Variants in FAM184B observed in about 807,000 individuals in gnomAD.
The protein encoded by FAM184B is family with sequence similarity 184 member B.
A neutral mutation model predicts 135.9 loss-of-function variants in FAM184B; 111 were observed. That is an observed-to-expected ratio of 0.82 (90% CI 0.70 to 0.96). FAM184B has a LOEUF of 0.96. Among genes scored for constraint, FAM184B ranks in the 40% least tolerant of loss-of-function variants. FAM184B has a pLI of 0.00. For missense variants in FAM184B, 1,375 were observed against 1,323.9 expected, an observed-to-expected ratio of 1.04 and a Z score of -0.60; for synonymous variants, 552 against 524.8, an observed-to-expected ratio of 1.05 and a Z score of -0.71.
At position 17,756,062 on chromosome 4, in the gene FAM184B, A is replaced by C. The variant is rs559726073; in HGVS notation, c.141+25097T>G. ...TCCTGCACATGTAGCCTGGAACTTA[A>C]AAGCTGAAAAAAAGCCTGGAGACAA... On this transcript the variant is annotated intron_variant, in intron 1 of 17. Transcript: ENST00000265018. Among the ~76,000 whole-genome samples, 9 of 152,300 alleles carry C rather than the reference A, an allele frequency of 5.9e-5. 1 individual carries two copies. Among genetic ancestry groups the C allele is most frequent in the African/African-American group, 2.2e-4 (9 of 41,564 alleles).
chr4:17,682,711 C>T (rs2098153), intron 7 of FAM184B, among the ~76,000 whole-genome samples: 1 of 151,808 alleles, frequency 6.6e-6, no homozygotes, highest in Non-Finnish European at 1.5e-5. Flanking sequence ...GTTGCTCAGG[C>T]TGGTCTTGAA....
intron 1 of FAM184B, among the ~76,000 whole-genome samples, chr4:17,764,712 C>G (rs375965867): frequency 5.4e-4 from 81 of 149,892 alleles, no homozygotes; most frequent in African/African-American, 2.0e-3. Flanking sequence ...AAGTAAAGAT[C>G]CTTGATCATC....
chr4:17,744,719 CAA>C (rs1303877399), intron 1 of FAM184B, among the ~76,000 whole-genome samples: 8 of 122,434 alleles, frequency 6.5e-5, no homozygotes, highest in Non-Finnish European at 3.5e-5. Flanking sequence ...GACTCCATCT[CAA>C]AAAAAAAAAA....
intron 14 of FAM184B, among the ~76,000 whole-genome samples, chr4:17,637,955 G>A (rs1052212209): frequency 1.4e-5 from 2 of 146,686 alleles, no homozygotes; most frequent in African/African-American, 5.0e-5. Context: ...CAGGGCAGGA[G>A]TCCCTTCACC....
chr4:17,737,142 C>T (rs890676486), intron 1 of FAM184B, among the ~76,000 whole-genome samples: 1 of 148,648 alleles, frequency 6.7e-6, no homozygotes, highest in African/African-American at 2.5e-5. Flanking sequence ...GAGACTTCGT[C>T]TCAAAAAAAA....
intron 1 of FAM184B, among the ~76,000 whole-genome samples, chr4:17,751,643 G>A (rs1352302314): frequency 6.6e-6 from 1 of 152,030 alleles, no homozygotes; most frequent in Admixed American, 6.6e-5. Context: ...GGGAGAGGTG[G>A]TTGAGCCTGG....
chr4:17,636,529 G>T lies in FAM184B; in HGVS notation c.2783C>A (p.Thr928Lys). 1 of 1,550,008 alleles carries T rather than the reference G, an allele frequency of 6.5e-7. No homozygotes were observed. The highest frequency in any genetic ancestry group is 1.2e-5 in the South Asian group (1 of 84,048). ...KEREDIIKQLTEERRFHYAAF... is the reference protein window; with the variant it reads ...KEREDIIKQLKEERRFHYAAF... Reference sequence around the variant, plus strand: ...TGAGGCGCCCCCTGACAGCCTCACCGTGAGCTGCTTGATGATGTCCTCTCT... The same window carrying T: ...TGAGGCGCCCCCTGACAGCCTCACCTTGAGCTGCTTGATGATGTCCTCTCT... The change falls in exon 15 of 18, where the codon ACG (threonine) becomes AAG (lysine). Residue 928 changes from threonine to lysine, a missense_variant and splice_region_variant. Coordinates refer to ENST00000265018, the MANE Select transcript of FAM184B (RefSeq NM_015688.2).
chr4:17,663,531 A>C (rs1268655173), intron 8 of FAM184B, among the ~76,000 whole-genome samples: 1 of 152,082 alleles, frequency 6.6e-6, no homozygotes, highest in Non-Finnish European at 1.5e-5. Context: ...CAAGATACAA[A>C]ATTGATGTGC....
At chr4:17,700,553 T>G (rs1306818257) in intron 5 of FAM184B, among the ~76,000 whole-genome samples, 1 of 152,228 alleles carries the variant, frequency 6.6e-6, no homozygotes, top group Non-Finnish European at 1.5e-5. Flanking sequence ...AATTTGAGAT[T>G]TCAATCTTCC....
At chr4:17,693,171 C>A (rs1026508945) in intron 6 of FAM184B, 131 bp downstream of exon 6, 21 of 623,684 alleles carry the variant, frequency 3.4e-5, no homozygotes, top group Non-Finnish European at 4.2e-5. Context: ...TAAATGCACG[C>A]CCCCCGAGAC....
In FAM184B at chr4:17,632,470, A is replaced by G. The variant is rs1224718406; in HGVS notation, c.*62T>C. ...TTGGTTGGTGTTAGTTCATTCCTTC[A>G]ATCGGATGATTTAAAATAAATGTTT... On this transcript the variant is annotated 3_prime_UTR_variant, in exon 18 of 18. Coordinates refer to ENST00000265018, the MANE Select transcript of FAM184B (RefSeq NM_015688.2). 7.4e-7 allele frequency: 1 copy of G among 1,347,556 alleles called. No individual in the cohort carries two copies. Among genetic ancestry groups the G allele is most frequent in the Admixed American group, 2.2e-5 (1 of 44,540 alleles). 83.5% of individuals were successfully genotyped at this position (1,347,556 alleles called of 1,614,324 possible).
chr4:17,642,101 A>G lies in FAM184B; in HGVS notation c.2474T>C (p.Val825Ala). The G allele has an allele frequency of 6.5e-7, 1 of 1,531,576 alleles. No homozygotes were observed. Among genetic ancestry groups the G allele is most frequent in the Non-Finnish European group, 8.7e-7 (1 of 1,145,014 alleles). The allele number at this position is 1,531,576 out of a possible 1,614,324, so 94.9% of individuals were successfully genotyped here. A position where few individuals can be genotyped will look rare whatever the true frequency, so the allele number is the denominator to read the frequency against. Residue 825 changes from valine (V) to alanine (A), a missense_variant, in exon 13 of 18, where the codon GTG (valine) becomes GCG (alanine). By Grantham distance (64) the Val-to-Ala change is moderately conservative. Transcript: ENST00000265018. ...CTGCGCCTCCTGCTGATGCTGCTCC[A>G]CCTCCGCGCGCAGCCGCCGCACCGC... Reference protein sequence around the residue: ...QDAVRRLRAEVEQHQQEAQKL... With the variant: ...QDAVRRLRAEAEQHQQEAQKL...
At chr4:17,773,549 C>T (rs926861448) in intron 1 of FAM184B, among the ~76,000 whole-genome samples, 5 of 152,096 alleles carry the variant, frequency 3.3e-5, no homozygotes, top group Admixed American at 6.6e-5. Context: ...TCTGGGTTCT[C>T]GAGAGTCAGT....
In FAM184B at chr4:17,646,963, C is replaced by A. The variant is rs183523888; in HGVS notation, c.2346+674G>T. The stretch of plus-strand genomic sequence containing the variant: ...AAAGCTGCTCCACTTAGGGGAACAG[C>A]AAGGTCTAGATGGAGCCTGTCTGGT... On this transcript the variant is annotated intron_variant, in intron 12 of 17. Transcript: ENST00000265018. Among the ~76,000 whole-genome samples, 1,192 of 152,160 alleles carry A rather than the reference C, an allele frequency of 7.8e-3. 10 individuals are homozygous for A. The highest frequency in any genetic ancestry group is 0.013 in the Non-Finnish European group (875 of 68,000).
Position 17,781,323 on chromosome 4 carries a change from G to A in FAM184B, c.-24C>T. The A allele has an allele frequency of 6.6e-7, 1 of 1,508,306 alleles. No individual in the cohort carries two copies. 93.4% of individuals were successfully genotyped at this position (1,508,306 alleles called of 1,614,324 possible). ...ATCGCTAAAACGCGCCCAGCACTCA[G>A]ACTCTCTCGTTTTCTCCCTGCCCAC... On this transcript the variant is annotated 5_prime_UTR_variant, in exon 1 of 18. Coordinates refer to ENST00000265018, the MANE Select transcript of FAM184B (RefSeq NM_015688.2). This position sits in a 1 kb window ranked among gnomAD's most constrained non-coding sequence, Gnocchi z 6.5.
chr4:17,748,686 C>A (rs1718231460), intron 1 of FAM184B, among the ~76,000 whole-genome samples: 5 of 151,540 alleles, frequency 3.3e-5, no homozygotes, highest in African/African-American at 7.3e-5. Flanking sequence ...CCAGATAATT[C>A]TTTAATTTCT....
chr4:17,687,922 A>T (rs762481124), intron 7 of FAM184B, among the ~76,000 whole-genome samples: 14 of 152,158 alleles, frequency 9.2e-5, no homozygotes, highest in Admixed American at 4.6e-4. Flanking sequence ...GATCCTAGAG[A>T]ACAATCCAAC....
Position 17,736,971 on chromosome 4 carries a change from G to C in FAM184B, c.142-27327C>G, listed in dbSNP as rs143259361. On this transcript the variant is annotated intron_variant, in intron 1 of 17. Transcript: ENST00000265018. ...ACCAGCCTGGCCAACATGGTGAAAC[G>C]CCATCTCTACTAAAAATACAAAAAT... Among the ~76,000 whole-genome samples the C allele has an allele frequency of 8.4e-3, 1,282 of 151,990 alleles. 19 individuals carry two copies. Among genetic ancestry groups the C allele is most frequent in the African/African-American group, 0.028 (1,178 of 41,488 alleles).
At chr4:17,693,116 C>T (rs1007810327) in intron 6 of FAM184B, among the ~76,000 whole-genome samples, 186 bp downstream of exon 6, 1 of 151,908 alleles carries the variant, frequency 6.6e-6, no homozygotes, top group Non-Finnish European at 1.5e-5. Context: ...CATTAAAAGC[C>T]TCTTTGTTTA....
Sources: gnomAD v4.1 joint callset for allele counts (sites outside exome capture counted in the v4.1 genomes callset) on GRCh38, gnomAD v4.1.1 for gene constraint, Gnocchi (gnomAD v3.1) non-coding constraint, MANE v1.5 for transcripts, NCBI Gene and HGNC (gene_info 2026-07-23, HGNC 2026-07-21) for gene names.